PSEN1: variants seen among roughly 807,000 people sequenced by gnomAD.
The protein encoded by PSEN1 is presenilin 1, also known as presenilin-1.
In PSEN1, 15 loss-of-function variants were observed where a neutral mutation model predicts 53.5. The observed-to-expected ratio is 0.28, with a 90% CI of 0.19 to 0.43. The LOEUF (loss-of-function observed/expected upper bound fraction) is 0.43, where lower values mean the gene tolerates loss of function less well. Ranked by LOEUF, PSEN1 falls within the 20% of genes least tolerant of loss-of-function variation. The probability of loss-of-function intolerance (pLI) is 1.00; values close to 1 mark genes in which losing one functional copy is unlikely to be tolerated. For synonymous variants in PSEN1, 208 were observed against 209.8 expected (o/e 0.99, Z 0.08); for missense variants, 387 against 571.2 (o/e 0.68, Z 3.29).
rs773743795 is a variant in PSEN1, at chr14:73,197,768, C to T, written c.770-263C>T. ...AAGACTTGTTCCTATACCCCAGTAA[C>T]GATACACTGTACACTAAGCAAATAG... On this transcript the variant is annotated intron_variant, in intron 7 of 11. Transcript: ENST00000324501. 124 of 465,362 alleles carry T rather than the reference C, an allele frequency of 2.7e-4. 7 individuals are homozygous for T. Among genetic ancestry groups the T allele is most frequent in the Non-Finnish European group, 1.7e-4 (42 of 254,426 alleles). 28.8% of individuals were successfully genotyped at this position (465,362 alleles called of 1,614,324 possible).
At chr14:73,191,997 AT>A (rs1259834672) in intron 6 of PSEN1, among the ~76,000 whole-genome samples, 4 of 152,128 alleles carry the variant, frequency 2.6e-5, no homozygotes, top group Non-Finnish European at 4.4e-5. Flanking sequence ...TTTAGGTATG[AT>A]ATGATCTTTT....
intron 3 of PSEN1, among the ~76,000 whole-genome samples, chr14:73,152,246 A>C (rs573358981): frequency 2.5e-4 from 38 of 151,982 alleles, no homozygotes; most frequent in African/African-American, 8.9e-4. Flanking sequence ...TATCTCTGGA[A>C]AGGGATCAAG....
chr14:73,143,988 TAAA>T lies in PSEN1; in HGVS notation c.-135-3782_-135-3780del, dbSNP rs530235019. Among the ~76,000 whole-genome samples, 216 of 53,198 alleles carry T rather than the reference TAAA, an allele frequency of 4.1e-3. 3 individuals are homozygous for T. Among genetic ancestry groups the T allele is most frequent in the African/African-American group, 0.013 (139 of 11,054 alleles). The allele number at this position is 53,198 out of a possible 152,430, so 34.9% of individuals were successfully genotyped here. On this transcript the variant is annotated intron_variant, in intron 1 of 11. Transcript: ENST00000324501. ...GGTGACAGAGTGAGACCTTGTCTCT[TAAA>T]AAAAAAAAAAAAAAAAAAAAAAAAG...
At chr14:73,196,911 C>T (rs1190105433) in intron 7 of PSEN1, among the ~76,000 whole-genome samples, 1 of 148,948 alleles carries the variant, frequency 6.7e-6, no homozygotes, top group Non-Finnish European at 1.5e-5. Flanking sequence ...TTTTTATATT[C>T]TGAATTTTCT....
chr14:73,219,284 A>G lies in PSEN1; in HGVS notation c.1399A>G (p.Ile467Val). The G allele has an allele frequency of 6.2e-7, 1 of 1,613,030 alleles. No individual in the cohort carries two copies. Among genetic ancestry groups the G allele is most frequent in the Non-Finnish European group, 8.5e-7 (1 of 1,179,132 alleles). ...CCAATTAGCATTCCATCAATTTTAT[A>G]TCTAGCATATTTGCGGTTAGAATCC... ...MDQLAFHQFY[I>V] Residue 467 changes from isoleucine (I) to valine (V), a missense_variant, in exon 12 of 12, where the codon ATC (isoleucine) becomes GTC (valine). Transcript: ENST00000324501.
chr14:73,148,670 T>C (rs1001718247), intron 3 of PSEN1, among the ~76,000 whole-genome samples: 1 of 152,190 alleles, frequency 6.6e-6, no homozygotes, highest in Non-Finnish European at 1.5e-5. Flanking sequence ...CGGTGGCTCA[T>C]GCCTGTAATC....
intron 3 of PSEN1, chr14:73,167,804 C>T (rs1897761477): frequency 6.7e-6 from 1 of 148,176 alleles, no homozygotes; most frequent in Non-Finnish European, 1.5e-5. Context: ...AGTTAAATCA[C>T]TCTCTATTGC....
chr14:73,202,012 G>T (rs923414657), intron 8 of PSEN1, among the ~76,000 whole-genome samples: 1 of 151,962 alleles, frequency 6.6e-6, no homozygotes, highest in African/African-American at 2.4e-5. Context: ...CTCCCAAAGT[G>T]CTGGGATTAC....
chr14:73,215,508 G>A (rs1457616513), intron 10 of PSEN1, among the ~76,000 whole-genome samples: 5 of 151,714 alleles, frequency 3.3e-5, no homozygotes, highest in South Asian at 4.2e-4. Context: ...GCTTGAAATC[G>A]GGAGGTGGAG....
intron 3 of PSEN1, among the ~76,000 whole-genome samples, chr14:73,160,487 T>C (rs1422182020): frequency 6.6e-6 from 1 of 152,240 alleles, no homozygotes; most frequent in Non-Finnish European, 1.5e-5. Context: ...TTGTTTTCCA[T>C]GGTGGCTGCA....
chr14:73,179,811 CTACCTCTCAT>C (rs1257452105), intron 5 of PSEN1, among the ~76,000 whole-genome samples: 1 of 152,122 alleles, frequency 6.6e-6, no homozygotes, highest in African/African-American at 2.4e-5. Context: ...CCCAGCCCAC[CTACCTCTCAT>C]TACTTTTCAT....
chr14:73,215,030 C>G (rs1397836677), intron 10 of PSEN1, among the ~76,000 whole-genome samples: 1 of 151,984 alleles, frequency 6.6e-6, no homozygotes, highest in Non-Finnish European at 1.5e-5. Flanking sequence ...GCTGGGATCT[C>G]AGCTCACTGC....
intron 3 of PSEN1, among the ~76,000 whole-genome samples, chr14:73,149,665 G>T (rs536961202): frequency 1.3e-4 from 20 of 152,288 alleles, no homozygotes; most frequent in South Asian, 4.1e-4. Context: ...TAGAACACAG[G>T]ACTTTCAGTT....
At chr14:73,167,853 A>C (rs1328121046) in intron 3 of PSEN1, 1 of 136,096 alleles carries the variant, frequency 7.3e-6, no homozygotes. Flanking sequence ...TTTTGCTTCG[A>C]AGAATGATTG....
chr14:73,186,754 G>A lies in PSEN1; in HGVS notation c.481-99G>A, dbSNP rs959774731. The A allele has an allele frequency of 1.2e-4, 116 of 985,678 alleles. 1 individual carries two copies. Among genetic ancestry groups the A allele is most frequent in the South Asian group, 5.9e-4 (46 of 77,906 alleles). 61.1% of individuals were successfully genotyped at this position (985,678 alleles called of 1,614,324 possible). A position where few individuals can be genotyped will look rare whatever the true frequency, so the allele number is the denominator to read the frequency against. On this transcript the variant is annotated intron_variant, in intron 5 of 11. Coordinates refer to ENST00000324501, the MANE Select transcript of PSEN1 (RefSeq NM_000021.4). ...ATCGTGCCACTGCACTCCAGTCTGG[G>A]CGACAAAGTGAGACCCTGTCTCAAA...
At chr14:73,206,557 C>T in intron 9 of PSEN1, 85 bp downstream of exon 9, 2 of 930,692 alleles carry the variant, frequency 2.1e-6, no homozygotes, top group East Asian at 2.6e-5. Context: ...TATCGTCTTT[C>T]TTTGGTCATA....
chr14:73,193,552 AAAAAAAAAAAAAGC>A (rs1297642769), intron 7 of PSEN1, among the ~76,000 whole-genome samples: 2 of 133,322 alleles, frequency 1.5e-5, no homozygotes, highest in African/African-American at 2.5e-5. Context: ...TCTGTCTCAA[AAAAAAAAAAAAAGC>A]AAAAAAAAAA....
At chr14:73,201,016 A>G (rs1380632468) in intron 8 of PSEN1, among the ~76,000 whole-genome samples, 1 of 152,094 alleles carries the variant, frequency 6.6e-6, no homozygotes, top group Admixed American at 6.5e-5. Flanking sequence ...GTGCCACTGC[A>G]CTCCAGCCTG....
chr14:73,200,379 C>CCT (rs1485151017), intron 8 of PSEN1, among the ~76,000 whole-genome samples: 1 of 152,130 alleles, frequency 6.6e-6, no homozygotes, highest in Admixed American at 6.6e-5. Context: ...AAGCAATTCT[C>CCT]CTCTCTCAGC....
Sources: gnomAD v4.1 joint callset for allele counts (sites outside exome capture counted in the v4.1 genomes callset) on GRCh38, gnomAD v4.1.1 for gene constraint, MANE v1.5 for transcripts, NCBI Gene and HGNC (gene_info 2026-07-23, HGNC 2026-07-21) for gene names.